ADGRV1: variants seen among roughly 807,000 people sequenced by gnomAD.
ADGRV1 encodes G-protein coupled receptor 98.
ADGRV1 carries 359 observed loss-of-function variants against 596.2 expected under a neutral mutation model. The observed-to-expected ratio is 0.60, with a 90% CI of 0.55 to 0.66. ADGRV1 has a LOEUF of 0.66. ADGRV1 is among the 30% of genes least tolerant of loss of function. ADGRV1 has a pLI of 0.00. For missense variants in ADGRV1, 7,274 were observed against 7,575.6 expected (o/e 0.96, Z 1.48); for synonymous variants, 2,681 against 2,679.2 (o/e 1.00, Z -0.02).
At chr5:90,896,854 C>G (rs552781732) in intron 83 of ADGRV1, among the ~76,000 whole-genome samples, 1 of 152,150 alleles carries the variant, frequency 6.6e-6, no homozygotes, top group South Asian at 2.1e-4. Context: ...TGTGCCTGCA[C>G]CAGCACAAGA....
At chr5:90,642,530 T>A (rs967426516) in intron 11 of ADGRV1, 106 bp from the exon 12 acceptor site, 99 of 1,201,778 alleles carry the variant, frequency 8.2e-5, no homozygotes, top group Non-Finnish European at 1.1e-4. Context: ...CTCATAGCCT[T>A]CCTTTTCATT....
rs570835915 is a variant in ADGRV1, at chr5:90,861,560, T to C, written c.17756-2197T>C. 3.2e-4 allele frequency among the ~76,000 whole-genome samples: 49 copies of C among 151,648 alleles called. 1 individual carries two copies. Among genetic ancestry groups the C allele is most frequent in the Admixed American group, 2.9e-3 (44 of 15,216 alleles). ...TCCTGACCTCGTGATCTGCCCACCTTGGCCTCCCAAAGTGCTGGGATTACA... is the reference window on the plus strand; with the variant it reads ...TCCTGACCTCGTGATCTGCCCACCTCGGCCTCCCAAAGTGCTGGGATTACA... On this transcript the variant is annotated intron_variant, in intron 82 of 89. Coordinates refer to ENST00000405460, the MANE Select transcript of ADGRV1 (RefSeq NM_032119.4).
intron 87 of ADGRV1, among the ~76,000 whole-genome samples, chr5:91,119,633 CT>C (rs1210856140): frequency 1.3e-5 from 2 of 152,168 alleles, no homozygotes; most frequent in Non-Finnish European, 2.9e-5. Flanking sequence ...TGTTTTAGAA[CT>C]TTTCTTATCT....
At chr5:91,111,886 T>C (rs777872731) in intron 87 of ADGRV1, among the ~76,000 whole-genome samples, 1 of 152,182 alleles carries the variant, frequency 6.6e-6, no homozygotes, top group African/African-American at 2.4e-5. Context: ...CATGCACCTT[T>C]CAAAACATCC....
intron 49 of ADGRV1, among the ~76,000 whole-genome samples, chr5:90,729,382 T>C (rs1008420800): frequency 1.3e-5 from 2 of 152,168 alleles, no homozygotes; most frequent in Non-Finnish European, 2.9e-5. Context: ...AATTGCAACA[T>C]TCCTAAAAAA....
chr5:90,666,818 T>A (rs1223065400), intron 21 of ADGRV1, among the ~76,000 whole-genome samples: 3 of 151,892 alleles, frequency 2.0e-5, no homozygotes, highest in African/African-American at 7.3e-5. Flanking sequence ...GGTGACAAAA[T>A]CTCTCAGCAT....
At chr5:90,583,718 G>C (rs1758372304) in intron 1 of ADGRV1, among the ~76,000 whole-genome samples, 1 of 152,164 alleles carries the variant, frequency 6.6e-6, no homozygotes. Flanking sequence ...GAAATTGTAT[G>C]TAATATGACC....
chr5:90,875,712 A>T (rs1182689638), intron 83 of ADGRV1, among the ~76,000 whole-genome samples: 5 of 152,158 alleles, frequency 3.3e-5, no homozygotes, highest in Non-Finnish European at 5.9e-5. Flanking sequence ...TGCAAAGAGA[A>T]TTGGCTCTTC....
chr5:90,753,211 C>A (rs538282935), intron 53 of ADGRV1, among the ~76,000 whole-genome samples: 5 of 152,238 alleles, frequency 3.3e-5, no homozygotes, highest in African/African-American at 1.2e-4. Context: ...AGAGAAAAAT[C>A]TTTAAGCTAG....
At chr5:91,052,436 C>CTTT (rs776174555) in intron 85 of ADGRV1, among the ~76,000 whole-genome samples, 1 of 140,436 alleles carries the variant, frequency 7.1e-6, no homozygotes, top group Non-Finnish European at 1.6e-5. Flanking sequence ...CTGCATATTT[C>CTTT]TTTTTTTTTT....
At chr5:90,883,398 G>T (rs1314110256) in intron 83 of ADGRV1, among the ~76,000 whole-genome samples, 3 of 152,076 alleles carry the variant, frequency 2.0e-5, no homozygotes, top group African/African-American at 7.2e-5. Context: ...TATTACTTTA[G>T]TAGGTATAAA....
intron 74 of ADGRV1, among the ~76,000 whole-genome samples, chr5:90,811,676 GCTA>G (rs1250768591): frequency 6.6e-6 from 1 of 151,070 alleles, no homozygotes; most frequent in Admixed American, 6.6e-5. Context: ...AAATTTACCA[GCTA>G]CTTTCAGTAA....
Position 90,810,343 on chromosome 5 carries a change from A to G in ADGRV1, c.15083A>G (p.Gln5028Arg), listed in dbSNP as rs188142907. The change falls in exon 74 of 90, where the codon CAA becomes CGA. Residue 5028 changes from glutamine to arginine, a missense_variant. Gln to Arg is a conservative substitution (Grantham distance 43). Coordinates refer to ENST00000405460, the MANE Select transcript of ADGRV1 (RefSeq NM_032119.4). ...ACACAGATGATCAGATTACATGTAC[A>G]AAGACTATTTGGGTTCCACAGCGAT... ...EDTQMIRLHV[Q>R]RLFGFHSDLI... is the part of the protein sequence containing the mutation. 6.2e-7 allele frequency: 1 copy of G among 1,613,336 alleles called. No individual in the cohort carries two copies. The highest frequency in any genetic ancestry group is 1.3e-5 in the African/African-American group (1 of 75,054).
At chr5:90,860,455 C>T (rs553088606) in intron 82 of ADGRV1, among the ~76,000 whole-genome samples, 25 of 152,140 alleles carry the variant, frequency 1.6e-4, no homozygotes, top group African/African-American at 5.3e-4. Context: ...TGCCCGCCAC[C>T]ATGCCCGGCT....
intron 1 of ADGRV1, among the ~76,000 whole-genome samples, chr5:90,565,142 C>G (rs1755470758): frequency 6.6e-6 from 1 of 152,048 alleles, no homozygotes; most frequent in Non-Finnish European, 1.5e-5. Context: ...GAGGCTGAGT[C>G]AAGAGAATCG....
chr5:91,118,875 A>G (rs1019312604), intron 87 of ADGRV1, among the ~76,000 whole-genome samples: 2 of 152,030 alleles, frequency 1.3e-5, no homozygotes, highest in Non-Finnish European at 2.9e-5. Flanking sequence ...CTGTGAACTC[A>G]TAGGGGATTC....
Position 90,592,815 on chromosome 5 carries a change from G to A in ADGRV1, c.23-22020G>A, listed in dbSNP as rs866856642. Among the ~76,000 whole-genome samples, 6 of 152,276 alleles carry A rather than the reference G, an allele frequency of 3.9e-5. No individual in the cohort carries two copies. The South Asian group carries it at 1.0e-3, about 26-fold the overall frequency. On this transcript the variant is annotated intron_variant, in intron 1 of 89. Coordinates refer to ENST00000405460, the MANE Select transcript of ADGRV1 (RefSeq NM_032119.4). ...TATGAACAGGCACTCCTCAAAAGAA[G>A]ACATTTATGCAGCCAACAGACACAT...
chr5:91,010,050 T>G (rs1359702182), intron 85 of ADGRV1, among the ~76,000 whole-genome samples: 5 of 152,098 alleles, frequency 3.3e-5, no homozygotes, highest in Non-Finnish European at 7.4e-5. Flanking sequence ...TCTTATCATC[T>G]TAGCATTTCA....
intron 73 of ADGRV1, among the ~76,000 whole-genome samples, chr5:90,808,951 GT>G (rs11462822): frequency 6.2e-5 from 9 of 144,382 alleles, no homozygotes; most frequent in African/African-American, 1.3e-4. Flanking sequence ...AGGCATAAAT[GT>G]TTTTTTTTTT....
Sources: allele counts gnomAD v4.1 joint callset (sites outside exome capture counted in the v4.1 genomes callset), GRCh38; gene constraint gnomAD v4.1.1; transcripts MANE v1.5; gene names NCBI Gene and HGNC (gene_info 2026-07-23, HGNC 2026-07-21).